FOXN3: variants seen among roughly 807,000 people sequenced by gnomAD.
The protein encoded by FOXN3 is forkhead box protein N3.
FOXN3 carries 7 observed loss-of-function variants against 38.4 expected under a neutral mutation model. The observed-to-expected ratio is 0.18, with a 90% CI of 0.10 to 0.34. The LOEUF (loss-of-function observed/expected upper bound fraction) is 0.34, where lower values mean the gene tolerates loss of function less well. FOXN3 is among the 10% of genes least tolerant of loss of function. The pLI, the probability that FOXN3 is intolerant of heterozygous loss-of-function variation, is 1.00. For missense variants in FOXN3, 456 were observed against 613.4 expected (o/e 0.74, Z 2.71); for synonymous variants, 230 against 242.2 (o/e 0.95, Z 0.47).
intron 1 of FOXN3, among the ~76,000 whole-genome samples, chr14:89,492,012 A>T (rs568747087): frequency 2.6e-5 from 4 of 152,130 alleles, no homozygotes; most frequent in Admixed American, 6.6e-5. Context: ...TTTCTGTATG[A>T]TGAAAAACAT....
At chr14:89,353,172 T>C (rs1169591642) in intron 2 of FOXN3, among the ~76,000 whole-genome samples, 6 of 152,146 alleles carry the variant, frequency 3.9e-5, no homozygotes, top group Admixed American at 3.9e-4. Flanking sequence ...CACAGCGCCA[T>C]GGGAAGTCTT....
intron 1 of FOXN3, among the ~76,000 whole-genome samples, chr14:89,521,848 G>A (rs1217695005): frequency 6.6e-6 from 1 of 151,844 alleles, no homozygotes; most frequent in African/African-American, 2.4e-5. Context: ...AACACATCAA[G>A]ACCCATCTCT....
intron 1 of FOXN3, among the ~76,000 whole-genome samples, chr14:89,575,606 T>C (rs1895593110): frequency 6.6e-6 from 1 of 152,190 alleles, no homozygotes; most frequent in Non-Finnish European, 1.5e-5. Flanking sequence ...CAAGTCAGCA[T>C]TTTGGAAGCA....
intron 3 of FOXN3, among the ~76,000 whole-genome samples, chr14:89,348,635 G>A (rs1309304243): frequency 2.0e-5 from 3 of 152,106 alleles, no homozygotes; most frequent in African/African-American, 4.8e-5. Flanking sequence ...TCTAAGCACC[G>A]CATGGGCAGA....
In FOXN3 at chr14:89,559,765, A is replaced by G. The variant is rs889608868; in HGVS notation, c.-15+59263T>C. Among the ~76,000 whole-genome samples the G allele has an allele frequency of 2.6e-5, 4 of 152,328 alleles. No individual in the cohort carries two copies. In the East Asian group the frequency reaches 7.7e-4, roughly 29 times the overall value. ...ATGCAGAAGCAAAGCTCCTCTGAACACTGAGTGGAGGGTGTCAGGGAGTGA... is the reference window on the plus strand; with the variant it reads ...ATGCAGAAGCAAAGCTCCTCTGAACGCTGAGTGGAGGGTGTCAGGGAGTGA... On this transcript the variant is annotated intron_variant, in intron 1 of 6. Transcript: ENST00000345097.
chr14:89,573,994 G>T (rs1382596340), intron 1 of FOXN3, among the ~76,000 whole-genome samples: 1 of 152,084 alleles, frequency 6.6e-6, no homozygotes. Context: ...TGGTGCCATT[G>T]CATTCCAGCC....
At chr14:89,533,709 A>G (rs1566689749) in intron 1 of FOXN3, among the ~76,000 whole-genome samples, 1 of 149,330 alleles carries the variant, frequency 6.7e-6, no homozygotes, top group Non-Finnish European at 1.5e-5. Flanking sequence ...GAGTTATTTA[A>G]GGTGAAAGCT....
At chr14:89,349,822 G>A (rs1016785289) in intron 3 of FOXN3, 1 of 148,632 alleles carries the variant, frequency 6.7e-6, no homozygotes, top group African/African-American at 2.4e-5. Context: ...TAAAATTCCT[G>A]AAGTCTATGA....
chr14:89,534,437 C>T (rs1226180428), intron 1 of FOXN3, among the ~76,000 whole-genome samples: 1 of 152,056 alleles, frequency 6.6e-6, no homozygotes, highest in Non-Finnish European at 1.5e-5. Flanking sequence ...ACTTTCAAGA[C>T]TCATTTTTCG....
intron 4 of FOXN3, among the ~76,000 whole-genome samples, chr14:89,252,760 G>T (rs1330959963): frequency 1.3e-5 from 2 of 151,890 alleles, no homozygotes; most frequent in African/African-American, 2.4e-5. Context: ...CCTATTCCTC[G>T]ATTTTATATG....
intron 4 of FOXN3, among the ~76,000 whole-genome samples, chr14:89,191,973 T>TATATATATATATATATATATATAAAA (rs1481298307): frequency 7.4e-6 from 1 of 135,188 alleles, no homozygotes; most frequent in African/African-American, 3.2e-5. Flanking sequence ...CACATATATA[T>TATATATATATATATATATATATAAAA]AACTATAATA....
At chr14:89,578,851 T>TG (rs768708136) in intron 1 of FOXN3, among the ~76,000 whole-genome samples, 13 of 152,132 alleles carry the variant, frequency 8.5e-5, no homozygotes, top group African/African-American at 1.2e-4. Flanking sequence ...ATGATTTTTT[T>TG]GTTTTGTTTT....
At chr14:89,267,441 G>C (rs1010241221) in intron 4 of FOXN3, among the ~76,000 whole-genome samples, 2 of 152,168 alleles carry the variant, frequency 1.3e-5, no homozygotes, top group African/African-American at 4.8e-5. Context: ...AGGAAGCAGG[G>C]GCTGGGGCGG....
At chr14:89,478,395 T>G (rs1357090275) in intron 1 of FOXN3, among the ~76,000 whole-genome samples, 1 of 152,252 alleles carries the variant, frequency 6.6e-6, no homozygotes, top group African/African-American at 2.4e-5. Flanking sequence ...AAACAAGGGC[T>G]GTTTGTTGAA....
At chr14:89,431,839 C>T (rs1358059409) in intron 1 of FOXN3, among the ~76,000 whole-genome samples, 3 of 152,088 alleles carry the variant, frequency 2.0e-5, no homozygotes, top group East Asian at 1.9e-4. Flanking sequence ...CTCAGCCTCC[C>T]GAGTAGCTTG....
intron 5 of FOXN3, among the ~76,000 whole-genome samples, chr14:89,179,012 G>A (rs1320235457): frequency 1.3e-5 from 2 of 152,162 alleles, no homozygotes; most frequent in Non-Finnish European, 2.9e-5. Context: ...TTTTAAGAAA[G>A]AATGAAAAAC....
At chr14:89,405,769 T>G (rs1033887848) in intron 2 of FOXN3, among the ~76,000 whole-genome samples, 2 of 152,202 alleles carry the variant, frequency 1.3e-5, no homozygotes, top group Admixed American at 1.3e-4. Flanking sequence ...CTGGGTTTAT[T>G]TGGGTTATTT....
intron 1 of FOXN3, among the ~76,000 whole-genome samples, chr14:89,561,517 TTA>T (rs1421331462): frequency 6.6e-6 from 1 of 152,220 alleles, no homozygotes; most frequent in East Asian, 1.9e-4. Context: ...TGACGGGTAC[TTA>T]GTTTCACAGA....
intron 3 of FOXN3, among the ~76,000 whole-genome samples, chr14:89,347,272 C>G (rs572143299): frequency 8.5e-5 from 13 of 152,134 alleles, no homozygotes; most frequent in Non-Finnish European, 1.8e-4. Context: ...TGTGTCCTTA[C>G]AAGAAGGGAA....
Sources: gnomAD v4.1 joint callset for allele counts (sites outside exome capture counted in the v4.1 genomes callset) on GRCh38, gnomAD v4.1.1 for gene constraint, MANE v1.5 for transcripts, NCBI Gene and HGNC (gene_info 2026-07-23, HGNC 2026-07-21) for gene names.